Variants in MEGF6 observed in about 807,000 individuals in gnomAD.
The protein encoded by MEGF6 is multiple epidermal growth factor-like domains protein 6.
Under a neutral mutation model 207.1 loss-of-function variants are expected in MEGF6, and 184 were observed. That is an observed-to-expected ratio of 0.89 (90% CI 0.79 to 1.00). The LOEUF (loss-of-function observed/expected upper bound fraction) is 1.00, where lower values mean the gene tolerates loss of function less well. MEGF6 is among the 50% of genes least tolerant of loss of function. MEGF6 has a pLI of 0.00. For missense variants in MEGF6, 2,282 were observed against 2,202.9 expected, an observed-to-expected ratio of 1.04 and a Z score of -0.72; for synonymous variants, 1,038 against 910.0, an observed-to-expected ratio of 1.14 and a Z score of -2.53.
intron 5 of MEGF6, among the ~76,000 whole-genome samples, chr1:3,516,073 G>A (rs939010239): frequency 3.3e-5 from 5 of 152,224 alleles, no homozygotes; most frequent in Non-Finnish European, 7.3e-5. Flanking sequence ...GACCAGCACA[G>A]CTCCTACCCA....
chr1:3,536,874 G>A (rs1048717610), intron 4 of MEGF6, among the ~76,000 whole-genome samples: 2 of 152,228 alleles, frequency 1.3e-5, no homozygotes, highest in Non-Finnish European at 2.9e-5. Context: ...GGAAGTGGAC[G>A]AGGTCCAGCC....
intron 4 of MEGF6, among the ~76,000 whole-genome samples, chr1:3,536,359 C>T (rs1570084426): frequency 6.6e-6 from 1 of 152,206 alleles, no homozygotes; most frequent in East Asian, 1.9e-4. Flanking sequence ...CATCGCCCCA[C>T]CCAACTGAGA....
Position 3,501,058 on chromosome 1 carries a change from G to C in MEGF6, c.2483C>G (p.Thr828Arg). Reference sequence around the variant, plus strand: ...CCCATCATTGGCACAAGAGCACCTTGTCTGGCAGCTGGGACCATACCAGCC... The same window carrying C: ...CCCATCATTGGCACAAGAGCACCTTCTCTGGCAGCTGGGACCATACCAGCC... ...PAGWYGPSCQ[T>R]RCSCANDGHC... Residue 828 changes from threonine to arginine, a missense_variant, in exon 20 of 37, where the codon ACA becomes AGA. Coordinates refer to ENST00000356575, the MANE Select transcript of MEGF6 (RefSeq NM_001409.4). 6.2e-7 allele frequency: 1 copy of C among 1,612,798 alleles called. No individual in the cohort carries two copies. Among genetic ancestry groups the C allele is most frequent in the South Asian group, 1.1e-5 (1 of 91,084 alleles).
At chr1:3,545,215 G>A (rs555686989) in intron 4 of MEGF6, among the ~76,000 whole-genome samples, 24 of 152,240 alleles carry the variant, frequency 1.6e-4, no homozygotes, top group Non-Finnish European at 3.4e-4. Flanking sequence ...CGAGAGGGGT[G>A]CACTTCTTCC....
rs751384746 is a variant in MEGF6, at chr1:3,499,632, G to A, written c.2921C>T (p.Ser974Phe). 42 of 1,592,152 alleles carry A rather than the reference G, an allele frequency of 2.6e-5. No individual in the cohort carries two copies. The African/African-American group carries it at 4.4e-4, about 17-fold the overall frequency. Residue 974 changes from serine to phenylalanine, a missense_variant, in exon 23 of 37, where the codon TCC (serine) becomes TTC (phenylalanine). Coordinates refer to ENST00000356575, the MANE Select transcript of MEGF6 (RefSeq NM_001409.4). ...CCGGCGGCCAGCGGGGCAGAGGCAG[G>A]AGCCATTCACGGCATCACAGGCAGC... is the stretch of plus-strand genomic sequence containing the variant. ...AGAACDAVNG[S>F]CLCPAGRRGP...
chr1:3,509,794 C>A (rs1413897053), intron 11 of MEGF6, 76 bp downstream of exon 11: 1 of 1,465,056 alleles, frequency 6.8e-7, no homozygotes, highest in Non-Finnish European at 9.0e-7. Context: ...GTGGGCCAGG[C>A]CTGCGGGACG....
intron 32 of MEGF6, 62 bp from the exon 33 acceptor site, chr1:3,494,186 AGAGT>A: frequency 1.3e-6 from 2 of 1,508,012 alleles, no homozygotes; most frequent in Non-Finnish European, 1.8e-6. Flanking sequence ...CAGTTTGCCC[AGAGT>A]GAGTAAAACC....
chr1:3,499,093 G>A (rs368622121), intron 24 of MEGF6, 45 bp downstream of exon 24: 33 of 1,589,264 alleles, frequency 2.1e-5, no homozygotes, highest in South Asian at 4.6e-5. Context: ...CAGCACCCTC[G>A]CTCAGGCCTG....
chr1:3,561,940 T>C (rs904195544), intron 4 of MEGF6, among the ~76,000 whole-genome samples: 4 of 152,236 alleles, frequency 2.6e-5, no homozygotes, highest in African/African-American at 4.8e-5. Flanking sequence ...AGAACATTCC[T>C]TGGTTCCTCC....
chr1:3,620,339 A>G, the MEGF6 span, among the ~76,000 whole-genome samples: 1 of 152,270 alleles, frequency 6.6e-6, no homozygotes. Context: ...AAATGTCTCC[A>G]AGACATTTCA....
At chr1:3,592,674 G>A (rs1217843106) in intron 3 of MEGF6, among the ~76,000 whole-genome samples, 1 of 150,760 alleles carries the variant, frequency 6.6e-6, no homozygotes, top group Non-Finnish European at 1.5e-5. Flanking sequence ...GGGGCTCAGG[G>A]GTAGCCCGTG....
intron 4 of MEGF6, among the ~76,000 whole-genome samples, chr1:3,555,423 T>C (rs1363737704): frequency 1.3e-5 from 2 of 152,110 alleles, no homozygotes; most frequent in African/African-American, 4.8e-5. Context: ...CCACCACCCA[T>C]GTCCAGACGA....
At chr1:3,618,460 G>A in the MEGF6 span, among the ~76,000 whole-genome samples, 5 of 152,244 alleles carry the variant, frequency 3.3e-5, no homozygotes, top group East Asian at 1.9e-4. This position sits in a 1 kb window ranked among gnomAD's most constrained non-coding sequence, Gnocchi z 4.7. Context: ...GGGAAGCAGC[G>A]CAAAACCATC....
chr1:3,599,983 G>T (rs1337147608), intron 2 of MEGF6, among the ~76,000 whole-genome samples: 1 of 152,172 alleles, frequency 6.6e-6, no homozygotes, highest in Non-Finnish European at 1.5e-5. Flanking sequence ...AGGCTGGTAG[G>T]GGTGGAACCA....
intron 6 of MEGF6, 104 bp from the exon 7 acceptor site, chr1:3,514,776 C>T: frequency 7.7e-7 from 1 of 1,290,758 alleles, no homozygotes; most frequent in Non-Finnish European, 1.0e-6. Context: ...AGTGCTCTCC[C>T]CACTCTGTGC....
intron 4 of MEGF6, among the ~76,000 whole-genome samples, chr1:3,553,930 G>A (rs948423788): frequency 1.3e-5 from 2 of 152,180 alleles, no homozygotes; most frequent in African/African-American, 2.4e-5. Flanking sequence ...TGGGTGGCAC[G>A]GCTGGGGCCT....
Position 3,515,498 on chromosome 1 carries a change from C to T in MEGF6, c.634G>A (p.Gly212Ser), listed in dbSNP as rs201697659. The change falls in exon 6 of 37, where the codon GGC (glycine) becomes AGC (serine). Residue 212 changes from glycine to serine, a missense_variant. Coordinates refer to ENST00000356575, the MANE Select transcript of MEGF6 (RefSeq NM_001409.4). ...AINSCALGNG[G>S]CQHHCVQLTI... The stretch of plus-strand genomic sequence containing the variant: ...AGCTGGACACAGTGGTGCTGGCAGC[C>T]GCCATTGCCCAGGGCGCAGGAGTTA... 1,247 of 1,612,734 alleles carry T rather than the reference C, an allele frequency of 7.7e-4. 2 individuals carry two copies. Among genetic ancestry groups the T allele is most frequent in the African/African-American group, 6.1e-3 (460 of 75,074 alleles).
At chr1:3,519,242 G>C (rs867261837) in intron 5 of MEGF6, among the ~76,000 whole-genome samples, 23 of 152,232 alleles carry the variant, frequency 1.5e-4, no homozygotes, top group African/African-American at 5.5e-4. Context: ...TGGCTGCAGT[G>C]GTCCAGACCC....
At chr1:3,496,313 G>A (rs959794605) in intron 29 of MEGF6, among the ~76,000 whole-genome samples, 8 of 152,248 alleles carry the variant, frequency 5.3e-5, no homozygotes, top group African/African-American at 1.9e-4. Context: ...TGAGGGAAGA[G>A]GCCCGTTTCC....
Sources: allele counts gnomAD v4.1 joint callset (sites outside exome capture counted in the v4.1 genomes callset), GRCh38; gene constraint gnomAD v4.1.1; non-coding constraint Gnocchi (gnomAD v3.1); transcripts MANE v1.5; gene names NCBI Gene and HGNC (gene_info 2026-07-23, HGNC 2026-07-21).